SMAP1: variants seen among roughly 807,000 people sequenced by gnomAD.
The protein encoded by SMAP1 is stromal membrane-associated protein 1.
In SMAP1, 24 loss-of-function variants were observed where a neutral mutation model predicts 58.5. That is an observed-to-expected ratio of 0.41 (90% CI 0.30 to 0.58). The LOEUF (loss-of-function observed/expected upper bound fraction) is 0.58, where lower values mean the gene tolerates loss of function less well. Ranked by LOEUF, SMAP1 falls within the 20% of genes least tolerant of loss-of-function variation. The pLI is 0.29. For synonymous variants in SMAP1, 216 were observed against 196.6 expected (o/e 1.10, Z -0.82); for missense variants, 563 against 566.3 (o/e 0.99, Z 0.06).
chr6:70,731,425 C>G (rs963309773), intron 1 of SMAP1, among the ~76,000 whole-genome samples: 1 of 152,134 alleles, frequency 6.6e-6, no homozygotes, highest in Non-Finnish European at 1.5e-5. Context: ...TTGTAGCACA[C>G]CTCAGTTCAT....
At chr6:70,832,362 A>G (rs536254762) in intron 6 of SMAP1, among the ~76,000 whole-genome samples, 2 of 152,302 alleles carry the variant, frequency 1.3e-5, no homozygotes, top group Non-Finnish European at 2.9e-5. Flanking sequence ...TGGTGATAGT[A>G]TTGGGTTTAA....
intron 5 of SMAP1, among the ~76,000 whole-genome samples, chr6:70,794,258 C>T (rs570461134): frequency 1.3e-5 from 2 of 152,166 alleles, no homozygotes; most frequent in African/African-American, 2.4e-5. Context: ...TTTAAAACAA[C>T]TTAGGTTTTC....
intron 4 of SMAP1, among the ~76,000 whole-genome samples, chr6:70,785,981 C>T (rs937720456): frequency 6.6e-6 from 1 of 152,200 alleles, no homozygotes; most frequent in Non-Finnish European, 1.5e-5. Context: ...ATACCAAAGC[C>T]TGACAGAGAC....
chr6:70,846,709 G>A (rs2150005715), intron 7 of SMAP1, among the ~76,000 whole-genome samples: 1 of 152,276 alleles, frequency 6.6e-6, no homozygotes. Flanking sequence ...GCTGGGTAGT[G>A]AAGCCAGCCC....
chr6:70,856,764 C>CT, intron 8 of SMAP1, 95 bp from the exon 9 acceptor site: 1 of 1,274,454 alleles, frequency 7.8e-7, no homozygotes, highest in Non-Finnish European at 1.1e-6. Flanking sequence ...TGTTTGATTC[C>CT]TATCTAATTT....
intron 4 of SMAP1, among the ~76,000 whole-genome samples, chr6:70,776,955 G>A (rs895897025): frequency 6.6e-6 from 1 of 152,096 alleles, no homozygotes; most frequent in Non-Finnish European, 1.5e-5. Flanking sequence ...TAAACATGGG[G>A]GTTCAGGTAT....
At chr6:70,770,420 C>G (rs891249914) in intron 3 of SMAP1, among the ~76,000 whole-genome samples, 1 of 152,134 alleles carries the variant, frequency 6.6e-6, no homozygotes, top group African/African-American at 2.4e-5. Context: ...TCACATAGTC[C>G]CATATTTCTT....
intron 6 of SMAP1, among the ~76,000 whole-genome samples, chr6:70,819,095 A>G (rs1264831632): frequency 1.3e-5 from 2 of 152,130 alleles, no homozygotes; most frequent in Non-Finnish European, 2.9e-5. Flanking sequence ...TATTCTAGAC[A>G]TTTTATGTAA....
chr6:70,678,132 T>C lies in SMAP1; in HGVS notation c.118+9991T>C, dbSNP rs147977133. On this transcript the variant is annotated intron_variant, in intron 1 of 10. Coordinates refer to ENST00000370455, the MANE Select transcript of SMAP1 (RefSeq NM_001044305.3). ...ATTTTGAGTGATAAATGTGAGGACC[T>C]TGAGGGTCCGAAGGAAAGAGAATTA... Among the ~76,000 whole-genome samples the C allele has an allele frequency of 1.8e-3, 268 of 152,348 alleles. 2 individuals are homozygous for C. Among genetic ancestry groups the C allele is most frequent in the Non-Finnish European group, 2.3e-3 (156 of 68,036 alleles).
chr6:70,725,523 G>A (rs1768742960), intron 1 of SMAP1, among the ~76,000 whole-genome samples: 1 of 152,116 alleles, frequency 6.6e-6, no homozygotes, highest in Non-Finnish European at 1.5e-5. Context: ...AAAGAACAAA[G>A]GGCCTGTGGT....
intron 2 of SMAP1, among the ~76,000 whole-genome samples, chr6:70,738,737 A>G (rs1377041964): frequency 1.3e-5 from 2 of 152,146 alleles, no homozygotes; most frequent in Non-Finnish European, 1.5e-5. Flanking sequence ...GAACAGGCAA[A>G]AGAGTATTGA....
chr6:70,736,828 T>A (rs1765637132), intron 2 of SMAP1, among the ~76,000 whole-genome samples: 1 of 152,256 alleles, frequency 6.6e-6, no homozygotes, highest in African/African-American at 2.4e-5. Context: ...GATGTTCTCA[T>A]CAGTGTCACA....
chr6:70,746,446 T>C (rs1401760460), intron 2 of SMAP1, among the ~76,000 whole-genome samples: 3 of 152,354 alleles, frequency 2.0e-5, no homozygotes, highest in African/African-American at 7.2e-5. Flanking sequence ...GTTTTTGTCA[T>C]TGGTTCTGTT....
Position 70,755,077 on chromosome 6 carries a change from A to T in SMAP1, c.338+12A>T. On this transcript the variant is annotated intron_variant, in intron 3 of 10. Transcript: ENST00000370455. Reference sequence around the variant, plus strand: ...CCACAGACAGATCAGTATCCTTTAAAACTTATTTGTTTTGAGTTTAAAAAA... The same window carrying T: ...CCACAGACAGATCAGTATCCTTTAATACTTATTTGTTTTGAGTTTAAAAAA... The T allele has an allele frequency of 6.3e-7, 1 of 1,587,486 alleles. No homozygotes were observed. The highest frequency in any genetic ancestry group is 8.6e-7 in the Non-Finnish European group (1 of 1,163,232).
chr6:70,766,589 G>A (rs955439521), intron 3 of SMAP1, among the ~76,000 whole-genome samples: 72 of 152,052 alleles, frequency 4.7e-4, no homozygotes, highest in African/African-American at 1.7e-3. Flanking sequence ...TTTTTGATGG[G>A]GTGGTTTGTT....
At chr6:70,795,939 T>C (rs969971432) in intron 5 of SMAP1, among the ~76,000 whole-genome samples, 9 of 152,062 alleles carry the variant, frequency 5.9e-5, no homozygotes, top group Non-Finnish European at 8.8e-5. Flanking sequence ...GGTTTCATCA[T>C]GTTGGTCAGG....
At chr6:70,775,308 AT>A (rs1330179801) in intron 4 of SMAP1, among the ~76,000 whole-genome samples, 3 of 152,112 alleles carry the variant, frequency 2.0e-5, no homozygotes, top group Non-Finnish European at 4.4e-5. Flanking sequence ...TTAAAATATA[AT>A]TTTAAAAATT....
In SMAP1 at chr6:70,852,672, A is replaced by G. The variant is rs765274933; in HGVS notation, c.789+8A>G. On this transcript the variant is annotated splice_region_variant and intron_variant, in intron 8 of 10. Coordinates refer to ENST00000370455, the MANE Select transcript of SMAP1 (RefSeq NM_001044305.3). ...GTCATGCCCCCAGCTCAGGTATGTG[A>G]TAAGAATATGGTTTTATATGGTCAC... The G allele has an allele frequency of 1.9e-6, 3 of 1,583,806 alleles. No individual in the cohort carries two copies. In the Admixed American group the frequency reaches 5.6e-5, roughly 30 times the overall value.
intron 1 of SMAP1, among the ~76,000 whole-genome samples, chr6:70,680,557 C>T (rs777867799): frequency 2.6e-5 from 4 of 151,904 alleles, no homozygotes; most frequent in African/African-American, 7.3e-5. Flanking sequence ...TATCAGTTGA[C>T]GAATGGATAA....
Sources: allele counts gnomAD v4.1 joint callset (sites outside exome capture counted in the v4.1 genomes callset), GRCh38; gene constraint gnomAD v4.1.1; transcripts MANE v1.5; gene names NCBI Gene and HGNC (gene_info 2026-07-23, HGNC 2026-07-21).